Variants in USH2A observed in about 807,000 individuals in gnomAD.
USH2A encodes usherin, also known as Usher syndrome 2A (autosomal recessive, mild).
In USH2A, 443 loss-of-function variants were observed where a neutral mutation model predicts 538.9. The ratio of observed to expected loss-of-function variants is 0.82; its 90% CI spans 0.76 to 0.89. The LOEUF (loss-of-function observed/expected upper bound fraction) is 0.89. Ranked by LOEUF, USH2A falls within the 40% of genes least tolerant of loss-of-function variation. USH2A has a pLI of 0.00. For missense variants in USH2A, 6,633 were observed against 6,324.8 expected, an observed-to-expected ratio of 1.05 and a Z score of -1.65; for synonymous variants, 2,413 against 2,273.5, an observed-to-expected ratio of 1.06 and a Z score of -1.75.
chr1:215,927,091 A>T (rs1666256701), intron 38 of USH2A, among the ~76,000 whole-genome samples: 1 of 152,166 alleles, frequency 6.6e-6, no homozygotes. Context: ...TGTGGTTGTC[A>T]TTATGATTAT....
At chr1:216,037,646 G>C (rs557308523) in intron 32 of USH2A, among the ~76,000 whole-genome samples, 2 of 152,174 alleles carry the variant, frequency 1.3e-5, no homozygotes, top group South Asian at 4.1e-4. Flanking sequence ...GGGTGCAACA[G>C]TTTTGGCACC....
intron 3 of USH2A, among the ~76,000 whole-genome samples, chr1:216,393,289 A>C (rs1163682910): frequency 6.6e-6 from 1 of 152,216 alleles, no homozygotes; most frequent in East Asian, 1.9e-4. Context: ...TTACTTAATA[A>C]CCTTACTTAG....
intron 61 of USH2A, among the ~76,000 whole-genome samples, chr1:215,689,496 C>T (rs1314926754): frequency 6.6e-6 from 1 of 152,200 alleles, no homozygotes; most frequent in South Asian, 2.1e-4. Context: ...GATTCTCCCT[C>T]CCCCTGAGTG....
chr1:216,205,470 G>A (rs3767687), intron 16 of USH2A, among the ~76,000 whole-genome samples: 3 of 151,980 alleles, frequency 2.0e-5, no homozygotes, highest in African/African-American at 7.3e-5. Flanking sequence ...AGAGCCAAGA[G>A]AAAGGGGTGG....
chr1:215,889,626 C>T lies in USH2A; in HGVS notation c.7595-572G>A, dbSNP rs539672629. Among the ~76,000 whole-genome samples the T allele has an allele frequency of 1.5e-4, 23 of 152,216 alleles. No homozygotes were observed. The South Asian group carries it at 4.8e-3, about 32-fold the overall frequency. ...TTTACTGTGGCTGTGACAGAAGCTG[C>T]CGATTTAGCTCTTTCACCTACTGAT... On this transcript the variant is annotated intron_variant, in intron 40 of 71. Coordinates refer to ENST00000307340, the MANE Select transcript of USH2A (RefSeq NM_206933.4).
chr1:215,625,228 A>G lies in USH2A; in HGVS notation c.*553T>C, dbSNP rs1227588534. On this transcript the variant is annotated 3_prime_UTR_variant, in exon 72 of 72. Transcript: ENST00000307340. ...TTCAGCCTTGTCAAAAAGTTTGGTA[A>G]GTAACCCTATGTATGGTAAATAAAT... The G allele has an allele frequency of 6.2e-6, 1 of 160,622 alleles. No homozygotes were observed. The highest frequency in any genetic ancestry group is 2.4e-5 in the African/African-American group (1 of 41,506). The allele number at this position is 160,622 out of a possible 1,614,324, so 9.9% of individuals were successfully genotyped here. A position where few individuals can be genotyped will look rare whatever the true frequency, so the allele number is the denominator to read the frequency against.
intron 37 of USH2A, among the ~76,000 whole-genome samples, chr1:215,936,288 G>A (rs1558170313): frequency 6.6e-6 from 1 of 151,978 alleles, no homozygotes; most frequent in South Asian, 2.1e-4. Flanking sequence ...AAGTGATCTT[G>A]CATCGTATAG....
chr1:215,659,496 G>C (rs1397924758), intron 64 of USH2A, among the ~76,000 whole-genome samples: 1 of 152,066 alleles, frequency 6.6e-6, no homozygotes, highest in Non-Finnish European at 1.5e-5. Flanking sequence ...GACTTTATTT[G>C]ATTTTCATTT....
In USH2A at chr1:216,187,039, T is replaced by C. The variant is rs1317812472; in HGVS notation, c.4396+3184A>G. 2.6e-5 allele frequency among the ~76,000 whole-genome samples: 4 copies of C among 152,110 alleles called. No individual in the cohort carries two copies. The East Asian group carries it at 5.8e-4, about 22-fold the overall frequency. On this transcript the variant is annotated intron_variant, in intron 20 of 71. Transcript: ENST00000307340. ...ATCTCTGCTTTCATTACATCAGTAC[T>C]TGGAACAGTGCCAGCCCCTAAAACA... is the stretch of plus-strand genomic sequence containing the variant.
intron 64 of USH2A, among the ~76,000 whole-genome samples, chr1:215,653,788 CAGG>C (rs1287798024): frequency 3.3e-5 from 5 of 152,160 alleles, no homozygotes; most frequent in African/African-American, 9.6e-5. Context: ...GTTCAGGGTT[CAGG>C]GTAAAAATAC....
At chr1:216,401,629 CA>C (rs779861932) in intron 3 of USH2A, among the ~76,000 whole-genome samples, 2 of 151,722 alleles carry the variant, frequency 1.3e-5, no homozygotes, top group Non-Finnish European at 2.9e-5. Flanking sequence ...AAACATTAAT[CA>C]AAAGAAAAAA....
At chr1:215,901,136 AGACAAAT>A in intron 38 of USH2A, 1 of 556,626 alleles carries the variant, frequency 1.8e-6, no homozygotes, top group Non-Finnish European at 3.2e-6. Context: ...CCAAACAGCA[AGACAAAT>A]GAATATGCAG....
chr1:216,046,714 T>C (rs1178432763), intron 31 of USH2A, 122 bp from the exon 32 acceptor site: 3 of 1,169,476 alleles, frequency 2.6e-6, no homozygotes, highest in East Asian at 5.0e-5. Context: ...TATTCCCGAT[T>C]CGTGGGCAGC....
At chr1:215,993,338 T>G (rs900034426) in intron 34 of USH2A, among the ~76,000 whole-genome samples, 171 bp from the exon 35 acceptor site, 1 of 152,224 alleles carries the variant, frequency 6.6e-6, no homozygotes, top group Non-Finnish European at 1.5e-5. Flanking sequence ...TTTAATTTGC[T>G]TTTTAAGACA....
intron 4 of USH2A, among the ~76,000 whole-genome samples, chr1:216,332,779 A>T (rs1475099613): frequency 6.6e-6 from 1 of 152,164 alleles, no homozygotes; most frequent in Non-Finnish European, 1.5e-5. Context: ...GACTTCACAG[A>T]ATTAGCTCAG....
At chr1:216,066,064 GC>G (rs1358344754) in intron 30 of USH2A, among the ~76,000 whole-genome samples, 1 of 151,970 alleles carries the variant, frequency 6.6e-6, no homozygotes, top group Non-Finnish European at 1.5e-5. Flanking sequence ...TTTTAAATTT[GC>G]AATTTTTTTC....
At chr1:216,267,100 CA>C (rs2036487316) in intron 11 of USH2A, among the ~76,000 whole-genome samples, 1 of 151,898 alleles carries the variant, frequency 6.6e-6, no homozygotes, top group Non-Finnish European at 1.5e-5. Context: ...AGCACTCCAA[CA>C]ATAAGTGTTC....
chr1:216,053,565 T>C (rs1380068733), intron 30 of USH2A, among the ~76,000 whole-genome samples: 6 of 150,958 alleles, frequency 4.0e-5, no homozygotes, highest in African/African-American at 1.2e-4. Context: ...GTCCCAATCA[T>C]GTCAGGAAAC....
intron 21 of USH2A, among the ~76,000 whole-genome samples, chr1:216,135,397 G>C (rs2033466462): frequency 6.6e-6 from 1 of 151,652 alleles, no homozygotes; most frequent in Non-Finnish European, 1.5e-5. Flanking sequence ...TCAAGAAGTT[G>C]TAGTCTGTGT....
Sources: allele counts gnomAD v4.1 joint callset (sites outside exome capture counted in the v4.1 genomes callset), GRCh38; gene constraint gnomAD v4.1.1; transcripts MANE v1.5; gene names NCBI Gene and HGNC (gene_info 2026-07-23, HGNC 2026-07-21).